Variants in RXRA observed in about 807,000 individuals in gnomAD.
RXRA encodes retinoic acid receptor RXR-alpha.
RXRA carries 5 observed loss-of-function variants against 44.5 expected under a neutral mutation model. The ratio of observed to expected loss-of-function variants is 0.11; its 90% CI spans 0.06 to 0.24. The LOEUF is 0.24. Ranked by LOEUF, RXRA falls within the 10% of genes least tolerant of loss-of-function variation. The probability of loss-of-function intolerance (pLI) is 1.00; values close to 1 mark genes in which losing one functional copy is unlikely to be tolerated. For missense variants in RXRA, 412 were observed against 646.5 expected, an observed-to-expected ratio of 0.64 and a Z score of 3.93; for synonymous variants, 291 against 271.4, an observed-to-expected ratio of 1.07 and a Z score of -0.71.
chr9:134,368,513 C>T (rs564399135), intron 1 of RXRA, among the ~76,000 whole-genome samples: 3 of 152,148 alleles, frequency 2.0e-5, no homozygotes, highest in South Asian at 2.1e-4. Flanking sequence ...TCATGTGTGC[C>T]GTTCTGTTAG....
chr9:134,427,177 A>G (rs1392695370), intron 6 of RXRA: 1 of 984,546 alleles, frequency 1.0e-6, no homozygotes, highest in Admixed American at 6.2e-5. Context: ...AAACAAAAAA[A>G]AAAAAAAGAG....
At position 134,440,552 on chromosome 9, in the gene RXRA, T is replaced by C. The variant is rs906789843; in HGVS notation, c.*3938T>C. 5 of 152,392 alleles carry C rather than the reference T, an allele frequency of 3.3e-5. No homozygotes were observed. Among genetic ancestry groups the C allele is most frequent in the African/African-American group, 1.2e-4 (5 of 41,464 alleles). 9.4% of individuals were successfully genotyped at this position (152,392 alleles called of 1,614,324 possible). A position where few individuals can be genotyped will look rare whatever the true frequency, so the allele number is the denominator to read the frequency against. On this transcript the variant is annotated 3_prime_UTR_variant, in exon 10 of 10. Transcript: ENST00000481739. ...GAAGTGTGAGAGGAGAAACAAAATA[T>C]GAGCGTTTAAAATACATCGCCATTC...
chr9:134,402,329 C>T (rs963009835), intron 2 of RXRA: 3 of 169,278 alleles, frequency 1.8e-5, no homozygotes, highest in African/African-American at 4.8e-5. Flanking sequence ...GGGCTCAGGG[C>T]AGCTGCGTCC....
chr9:134,351,778 C>T (rs542432027), intron 1 of RXRA, among the ~76,000 whole-genome samples: 2 of 152,344 alleles, frequency 1.3e-5, no homozygotes, highest in Admixed American at 6.5e-5. Flanking sequence ...ACCATCAGAA[C>T]GCGAGGTGAA....
intron 1 of RXRA, among the ~76,000 whole-genome samples, chr9:134,341,517 C>A (rs868966967): frequency 1.3e-5 from 2 of 152,140 alleles, no homozygotes; most frequent in African/African-American, 4.8e-5. Flanking sequence ...TTTACTTCCC[C>A]GTTGGCTCTT....
chr9:134,436,391 C>A (rs1831621083), intron 9 of RXRA, 76 bp from the exon 10 acceptor site: 1 of 1,478,590 alleles, frequency 6.8e-7, no homozygotes, highest in East Asian at 2.3e-5. Context: ...CAGCCCCATC[C>A]CCAGGGAGGC....
chr9:134,344,651 C>T (rs781938484), intron 1 of RXRA, among the ~76,000 whole-genome samples: 7 of 152,124 alleles, frequency 4.6e-5, no homozygotes, highest in African/African-American at 1.4e-4. Flanking sequence ...TGCTGCGTAG[C>T]GCCCTCTGTG....
chr9:134,364,726 C>A (rs538835587), intron 1 of RXRA, among the ~76,000 whole-genome samples: 1 of 152,286 alleles, frequency 6.6e-6, no homozygotes, highest in Non-Finnish European at 1.5e-5. Flanking sequence ...GGGGCGGTAA[C>A]CCTGGGGTGT....
At chr9:134,392,674 T>C (rs1407348911) in intron 1 of RXRA, among the ~76,000 whole-genome samples, 1 of 152,158 alleles carries the variant, frequency 6.6e-6, no homozygotes, top group Non-Finnish European at 1.5e-5. Context: ...TAGCCATCTT[T>C]AGGCTGGGGG....
chr9:134,408,343 C>A (rs746352485), intron 3 of RXRA, 44 bp downstream of exon 3: 4 of 1,556,486 alleles, frequency 2.6e-6, no homozygotes, highest in African/African-American at 1.4e-5. Context: ...ACAGGGTTGT[C>A]AGGCCATTGC....
At chr9:134,368,869 GGGGTTATGTGTGTGAGT>G (rs1830448611) in intron 1 of RXRA, among the ~76,000 whole-genome samples, 1 of 135,684 alleles carries the variant, frequency 7.4e-6, no homozygotes, top group Non-Finnish European at 1.6e-5. Context: ...TGTGAGTGCA[GGGGTTATGTGTGTGAGT>G]GCAGGGGTTA....
In RXRA at chr9:134,401,848, C is replaced by T. The variant is rs937056727; in HGVS notation, c.245C>T (p.Thr82Ile). 6.2e-7 allele frequency: 1 copy of T among 1,611,888 alleles called. No individual in the cohort carries two copies. Among genetic ancestry groups the T allele is most frequent in the Non-Finnish European group, 8.5e-7 (1 of 1,179,198 alleles). Residue 82 changes from threonine (T) to isoleucine (I), a missense_variant, in exon 2 of 10, where the codon ACA becomes ATA. By Grantham distance (89) the Thr-to-Ile change is moderately conservative. This residue lies in a region of RXRA where 156 missense variants were observed against 177.2 expected (regional missense o/e 0.88). Transcript: ENST00000481739. ...CCCCACTCCATGTCGGTGCCCACCA[C>T]ACCCACCCTGGGCTTCAGCACTGGC... Reference protein sequence around the residue: ...MGPHSMSVPTTPTLGFSTGSP... With the variant: ...MGPHSMSVPTIPTLGFSTGSP...
At position 134,350,053 on chromosome 9, in the gene RXRA, G is replaced by A. The variant is rs528540547; in HGVS notation, c.28+23394G>A. 4.0e-5 allele frequency among the ~76,000 whole-genome samples: 6 copies of A among 151,854 alleles called. No individual in the cohort carries two copies. The East Asian group carries it at 9.7e-4, about 25-fold the overall frequency. ...GCCTATGGTCAGGAAGAGCAGACCCGCCAGATGGCTGTGTGTGTGTGTAGG... is the reference window on the plus strand; with the variant it reads ...GCCTATGGTCAGGAAGAGCAGACCCACCAGATGGCTGTGTGTGTGTGTAGG... On this transcript the variant is annotated intron_variant, in intron 1 of 9. Transcript: ENST00000481739.
At chr9:134,362,442 G>T (rs2119064821) in intron 1 of RXRA, among the ~76,000 whole-genome samples, 1 of 152,346 alleles carries the variant, frequency 6.6e-6, no homozygotes, top group South Asian at 2.1e-4. Context: ...CACAAACTGT[G>T]TTTCCAGCGG....
intron 1 of RXRA, among the ~76,000 whole-genome samples, chr9:134,369,126 G>A (rs1588268839): frequency 1.2e-5 from 1 of 86,426 alleles, no homozygotes; most frequent in Non-Finnish European, 2.2e-5. Flanking sequence ...TGTGAGTGCA[G>A]GGGTTGTGTG....
chr9:134,345,008 G>A (rs908421968), intron 1 of RXRA, among the ~76,000 whole-genome samples: 3 of 152,136 alleles, frequency 2.0e-5, no homozygotes, highest in South Asian at 2.1e-4. Context: ...CCCCTGGGCC[G>A]TGTGCCTGGG....
intron 7 of RXRA, among the ~76,000 whole-genome samples, chr9:134,430,338 G>A (rs1407467834): frequency 6.6e-6 from 1 of 152,208 alleles, no homozygotes; most frequent in Non-Finnish European, 1.5e-5. Context: ...GGAGCCGTGG[G>A]TGGGGAGGAG....
chr9:134,401,421 G>T, intron 1 of RXRA: 1 of 731,548 alleles, frequency 1.4e-6, no homozygotes, highest in Non-Finnish European at 2.3e-6. Flanking sequence ...GGGGTCAGGC[G>T]CAGAACAGTA....
chr9:134,388,028 T>C (rs1406800140), intron 1 of RXRA, among the ~76,000 whole-genome samples: 1 of 152,188 alleles, frequency 6.6e-6, no homozygotes, highest in Non-Finnish European at 1.5e-5. Context: ...AGGGCACTTA[T>C]CGCTGCACCC....
Sources: allele counts gnomAD v4.1 joint callset (sites outside exome capture counted in the v4.1 genomes callset), GRCh38; gene constraint gnomAD v4.1.1; regional missense constraint gnomAD v4.1.1; transcripts MANE v1.5; gene names NCBI Gene and HGNC (gene_info 2026-07-23, HGNC 2026-07-21).